Variants in AK5 observed in about 807,000 individuals in gnomAD.
AK5 encodes adenylate kinase isoenzyme 5.
A neutral mutation model predicts 69.5 loss-of-function variants in AK5; 27 were observed. The observed-to-expected ratio is 0.39, with a 90% CI of 0.29 to 0.54. The LOEUF (loss-of-function observed/expected upper bound fraction) is 0.54, where lower values mean the gene tolerates loss of function less well. Ranked by LOEUF, AK5 falls within the 20% of genes least tolerant of loss-of-function variation. AK5 has a pLI of 0.71. For missense variants in AK5, 531 were observed against 700.4 expected (o/e 0.76, Z 2.73); for synonymous variants, 260 against 244.4 (o/e 1.06, Z -0.60).
intron 8 of AK5, among the ~76,000 whole-genome samples, chr1:77,451,572 A>T (rs915531390): frequency 6.6e-6 from 1 of 152,266 alleles, no homozygotes; most frequent in Admixed American, 6.5e-5. Flanking sequence ...ACCAAAGCGT[A>T]TAACGGATAG....
chr1:77,412,233 C>G (rs1364062642), intron 7 of AK5, among the ~76,000 whole-genome samples: 1 of 152,082 alleles, frequency 6.6e-6, no homozygotes, highest in Non-Finnish European at 1.5e-5. Flanking sequence ...AGCCTTGTGC[C>G]CTGCAGTGAT....
chr1:77,503,935 T>A (rs1441098659), intron 10 of AK5, among the ~76,000 whole-genome samples: 1 of 151,478 alleles, frequency 6.6e-6, no homozygotes, highest in Non-Finnish European at 1.5e-5. Flanking sequence ...TTGAAAAAAA[T>A]TTTTCACTGT....
At chr1:77,370,329 G>A (rs1192181757) in intron 6 of AK5, among the ~76,000 whole-genome samples, 2 of 152,140 alleles carry the variant, frequency 1.3e-5, no homozygotes, top group Non-Finnish European at 2.9e-5. Flanking sequence ...AAATCTCAAA[G>A]CTGAAAGGAA....
chr1:77,338,056 C>T (rs756913321), intron 5 of AK5, among the ~76,000 whole-genome samples: 2 of 151,474 alleles, frequency 1.3e-5, no homozygotes, highest in Non-Finnish European at 2.9e-5. Context: ...CCTCCGCTTC[C>T]CGGGTTCAAG....
chr1:77,471,414 G>A (rs1331740193), intron 8 of AK5, among the ~76,000 whole-genome samples: 1 of 152,170 alleles, frequency 6.6e-6, no homozygotes, highest in East Asian at 1.9e-4. Flanking sequence ...CATATAGTAT[G>A]ATGACAGAAA....
intron 6 of AK5, among the ~76,000 whole-genome samples, chr1:77,373,498 G>A (rs896728117): frequency 4.6e-5 from 7 of 152,058 alleles, no homozygotes; most frequent in Admixed American, 3.3e-4. Flanking sequence ...AGGCCGAGGC[G>A]GGTGGATCAC....
chr1:77,311,883 G>T (rs1361884654), intron 5 of AK5, among the ~76,000 whole-genome samples: 3 of 152,078 alleles, frequency 2.0e-5, no homozygotes, highest in African/African-American at 4.8e-5. Context: ...GCTAAGAATG[G>T]CTGGAAACCA....
intron 7 of AK5, among the ~76,000 whole-genome samples, chr1:77,416,336 G>A (rs1209958818): frequency 6.6e-6 from 1 of 152,146 alleles, no homozygotes; most frequent in East Asian, 1.9e-4. Context: ...ACAGTGGTCT[G>A]GCAAGGGCTG....
chr1:77,404,053 T>G (rs1185046103), intron 6 of AK5, among the ~76,000 whole-genome samples: 1 of 152,212 alleles, frequency 6.6e-6, no homozygotes, highest in African/African-American at 2.4e-5. Context: ...TTATTCTCTT[T>G]GAAGCAATTG....
rs536091623 is a variant in AK5 at position 77,488,701 on chromosome 1, G to A, written c.1147+2349G>A. On this transcript the variant is annotated intron_variant, in intron 10 of 13. Transcript: ENST00000354567. ...GAAGCATCCAGCATGGGGGAAACAT[G>A]CAGGCTGAGAGGGTAGGCCAGTCTC... Among the ~76,000 whole-genome samples the A allele has an allele frequency of 9.2e-5, 14 of 152,290 alleles. No individual in the cohort carries two copies. The South Asian group carries it at 2.7e-3, about 29-fold the overall frequency.
At chr1:77,334,424 T>A (rs958090979) in intron 5 of AK5, among the ~76,000 whole-genome samples, 1 of 152,200 alleles carries the variant, frequency 6.6e-6, no homozygotes, top group Non-Finnish European at 1.5e-5. Context: ...TGTGCTTAGA[T>A]CTGAGTTTTC....
At chr1:77,286,442 A>T (rs1339617389) in intron 1 of AK5, among the ~76,000 whole-genome samples, 2 of 151,402 alleles carry the variant, frequency 1.3e-5, no homozygotes, top group African/African-American at 2.4e-5. Flanking sequence ...TTAAGGGATT[A>T]TCTTAATGAC....
rs1472639973 is a variant in AK5 at position 77,486,345 on chromosome 1, C to A, written c.1140C>A (p.Phe380Leu). 1 of 1,577,528 alleles carries A rather than the reference C, an allele frequency of 6.3e-7. No individual in the cohort carries two copies. The highest frequency in any genetic ancestry group is 2.2e-5 in the East Asian group (1 of 44,486). ...MEDLRKCKII[F>L]IIGGPGSGKG... ...ATTTGAGAAAGTGTAAAATTATTTT[C>A]ATAATTGGTGAGTAACAGCCCTTGC... The change falls in exon 10 of 14, where the codon TTC (phenylalanine) becomes TTA (leucine). Residue 380 changes from phenylalanine to leucine, a missense_variant. Phe to Leu is a conservative substitution (Grantham distance 22). Coordinates refer to ENST00000354567, the MANE Select transcript of AK5 (RefSeq NM_174858.3).
At chr1:77,501,367 G>A (rs909206590) in intron 10 of AK5, among the ~76,000 whole-genome samples, 7 of 152,196 alleles carry the variant, frequency 4.6e-5, no homozygotes, top group Middle Eastern at 3.2e-3. Flanking sequence ...CTTAACAACA[G>A]GGGTGCATTC....
intron 8 of AK5, among the ~76,000 whole-genome samples, chr1:77,470,408 G>A (rs1398136492): frequency 6.6e-6 from 1 of 152,174 alleles, no homozygotes; most frequent in African/African-American, 2.4e-5. Context: ...GGATGGCTGA[G>A]GTGGGAAGAT....
At chr1:77,324,602 C>T (rs1349690336) in intron 5 of AK5, among the ~76,000 whole-genome samples, 1 of 152,040 alleles carries the variant, frequency 6.6e-6, no homozygotes, top group Non-Finnish European at 1.5e-5. Context: ...GGCCACACCC[C>T]CCAGGATGTA....
chr1:77,435,130 T>C (rs1651878114), intron 8 of AK5, among the ~76,000 whole-genome samples: 2 of 152,094 alleles, frequency 1.3e-5, no homozygotes, highest in Admixed American at 6.5e-5. Context: ...GAGCGAGTTA[T>C]CAACCTAGCC....
chr1:77,486,345 C>T lies in AK5; in HGVS notation c.1140C>T (p.Phe380=), dbSNP rs1472639973. 2 of 1,577,530 alleles carry T rather than the reference C, an allele frequency of 1.3e-6. No homozygotes were observed. The highest frequency in any genetic ancestry group is 2.2e-5 in the East Asian group (1 of 44,486). ...MEDLRKCKII[F]IIGGPGSGKG... Reference sequence around the variant, plus strand: ...ATTTGAGAAAGTGTAAAATTATTTTCATAATTGGTGAGTAACAGCCCTTGC... The same window carrying T: ...ATTTGAGAAAGTGTAAAATTATTTTTATAATTGGTGAGTAACAGCCCTTGC... The change falls in exon 10 of 14, where the codon TTC becomes TTT. Residue 380 remains phenylalanine (F), a synonymous_variant. Coordinates refer to ENST00000354567, the MANE Select transcript of AK5 (RefSeq NM_174858.3).
At chr1:77,511,422 G>A (rs186650988) in intron 10 of AK5, among the ~76,000 whole-genome samples, 67 of 152,294 alleles carry the variant, frequency 4.4e-4, no homozygotes, top group Admixed American at 1.0e-3. Context: ...GAAGGATGGA[G>A]GGCAAAGGAT....
Sources: allele counts gnomAD v4.1 joint callset (sites outside exome capture counted in the v4.1 genomes callset), GRCh38; gene constraint gnomAD v4.1.1; transcripts MANE v1.5; gene names NCBI Gene and HGNC (gene_info 2026-07-23, HGNC 2026-07-21).